SLC14A2: variants seen among roughly 807,000 people sequenced by gnomAD.
SLC14A2 encodes the protein urea transporter 2.
SLC14A2 carries 91 observed loss-of-function variants against 104.6 expected under a neutral mutation model. The observed-to-expected ratio is 0.87, with a 90% CI of 0.73 to 1.04. The LOEUF is 1.04. SLC14A2 is among the 50% of genes least tolerant of loss of function. SLC14A2 has a pLI of 0.00. For synonymous variants in SLC14A2, 476 were observed against 466.4 expected, an observed-to-expected ratio of 1.02 and a Z score of -0.27; for missense variants, 1,189 against 1,156.0, an observed-to-expected ratio of 1.03 and a Z score of -0.41.
chr18:45,626,839 C>G (rs2045264422), intron 3 of SLC14A2, 119 bp from the exon 4 acceptor site: 23 of 377,654 alleles, frequency 6.1e-5, no homozygotes, highest in East Asian at 1.3e-4. Context: ...CCTGGCCTGG[C>G]TGAATGGGAA....
chr18:45,635,679 G>C (rs955428562), intron 5 of SLC14A2, among the ~76,000 whole-genome samples: 1 of 152,204 alleles, frequency 6.6e-6, no homozygotes, highest in Non-Finnish European at 1.5e-5. Flanking sequence ...TGCCCGAAGG[G>C]GAGCAGAGAA....
chr18:45,572,229 A>AATAGAATTCAAGGGTTCAGAACT (rs2044358208), intron 2 of SLC14A2, among the ~76,000 whole-genome samples: 3 of 152,184 alleles, frequency 2.0e-5, no homozygotes, highest in African/African-American at 7.2e-5. Context: ...CAATTCCCAA[A>AATAGAATTCAAGGGTTCAGAACT]ATAGAATTCA....
chr18:45,253,556 C>A (rs992208039), intron 1 of SLC14A2, among the ~76,000 whole-genome samples: 5 of 151,846 alleles, frequency 3.3e-5, no homozygotes, highest in African/African-American at 1.2e-4. Flanking sequence ...AAGCACAGAG[C>A]CCAGGCACTT....
At position 45,672,968 on chromosome 18, in the gene SLC14A2, C is replaced by T. The variant is rs2144649784; in HGVS notation, c.2298C>T (p.Ile766=). 6.2e-7 allele frequency: 1 copy of T among 1,614,166 alleles called. No homozygotes were observed. Among genetic ancestry groups the T allele is most frequent in the South Asian group, 1.1e-5 (1 of 91,084 alleles). Residue 766 remains isoleucine (I), a synonymous_variant, in exon 17 of 20, where the codon ATC becomes ATT. Transcript: ENST00000255226. The part of the protein sequence containing the change: ...YGCDNPWTGG[I]FLIALFISSP... ...GTGATAACCCCTGGACTGGAGGCATCTTCCTCATAGCTCTGTTCATATCCT... is the reference window on the plus strand; with the variant it reads ...GTGATAACCCCTGGACTGGAGGCATTTTCCTCATAGCTCTGTTCATATCCT...
chr18:45,441,017 G>T (rs962612350), intron 1 of SLC14A2, among the ~76,000 whole-genome samples: 1 of 152,048 alleles, frequency 6.6e-6, no homozygotes, highest in Admixed American at 6.6e-5. Context: ...TCTATTTCTG[G>T]TCTCCTATTT....
intron 2 of SLC14A2, among the ~76,000 whole-genome samples, chr18:45,485,514 G>T (rs1598897583): frequency 1.3e-5 from 2 of 152,244 alleles, no homozygotes; most frequent in South Asian, 2.1e-4. Context: ...TAATGTAGAG[G>T]GTTCTTGGAA....
intron 2 of SLC14A2, among the ~76,000 whole-genome samples, chr18:45,577,782 T>C (rs916887983): frequency 1.3e-5 from 2 of 152,090 alleles, no homozygotes; most frequent in African/African-American, 4.8e-5. Context: ...ATCTCCCAAG[T>C]CAACTCCATG....
chr18:45,628,478 G>A (rs11659314), intron 4 of SLC14A2, among the ~76,000 whole-genome samples: 53,611 of 150,558 alleles, frequency 0.36, 10,014 homozygotes, highest in Middle Eastern at 0.46. Context: ...GAAAGAAATC[G>A]TTTTGGCCCA....
At chr18:45,587,447 C>T (rs1238181504) in intron 2 of SLC14A2, among the ~76,000 whole-genome samples, 1 of 152,038 alleles carries the variant, frequency 6.6e-6, no homozygotes, top group Non-Finnish European at 1.5e-5. Flanking sequence ...CTTATTTGGC[C>T]CTTCGATTAT....
At chr18:45,198,204 A>T in the SLC14A2 span, among the ~76,000 whole-genome samples, 11 of 152,176 alleles carry the variant, frequency 7.2e-5, no homozygotes, top group African/African-American at 2.4e-4. Context: ...GAAAAACATA[A>T]GGTATGCAAG....
chr18:45,435,552 A>G (rs752688525), intron 1 of SLC14A2, among the ~76,000 whole-genome samples: 5 of 152,170 alleles, frequency 3.3e-5, no homozygotes, highest in Non-Finnish European at 7.3e-5. Context: ...TACTAAGACA[A>G]TTTTGGCAAG....
At chr18:45,405,897 G>GAAA (rs11315024) in intron 1 of SLC14A2, among the ~76,000 whole-genome samples, 7 of 129,250 alleles carry the variant, frequency 5.4e-5, no homozygotes, top group Non-Finnish European at 4.9e-5. Context: ...ACTCCATCTC[G>GAAA]AAAAAAAAAA....
At chr18:45,417,114 A>G (rs1156577778) in intron 1 of SLC14A2, among the ~76,000 whole-genome samples, 1 of 152,230 alleles carries the variant, frequency 6.6e-6, no homozygotes, top group Non-Finnish European at 1.5e-5. Context: ...GGGTTTAAAA[A>G]ATATCAGGAT....
chr18:45,258,146 CT>C (rs1315272239), intron 1 of SLC14A2, among the ~76,000 whole-genome samples: 2 of 102,844 alleles, frequency 1.9e-5, no homozygotes, highest in African/African-American at 4.7e-5. Context: ...GCATAAATCA[CT>C]TTTCCAAGGT....
chr18:45,378,628 A>G (rs2085800599), intron 1 of SLC14A2, among the ~76,000 whole-genome samples: 2 of 152,166 alleles, frequency 1.3e-5, no homozygotes, highest in African/African-American at 4.8e-5. Flanking sequence ...ATTAGTTTGT[A>G]TTACCGTTCC....
chr18:45,662,297 G>A (rs561365395), intron 10 of SLC14A2, among the ~76,000 whole-genome samples: 47 of 152,048 alleles, frequency 3.1e-4, no homozygotes, highest in African/African-American at 7.5e-4. Context: ...GCAAGACTCC[G>A]TCTTAGAAAA....
intron 1 of SLC14A2, among the ~76,000 whole-genome samples, chr18:45,373,198 T>C (rs1461811856): frequency 6.6e-6 from 1 of 152,244 alleles, no homozygotes; most frequent in Non-Finnish European, 1.5e-5. Flanking sequence ...GAGTGATAGT[T>C]CCTTATAACT....
At chr18:45,456,072 G>T (rs964956641) in intron 1 of SLC14A2, among the ~76,000 whole-genome samples, 2 of 152,064 alleles carry the variant, frequency 1.3e-5, no homozygotes, top group African/African-American at 4.8e-5. Context: ...TACTCTGGGG[G>T]CTCACCTGTG....
intron 2 of SLC14A2, among the ~76,000 whole-genome samples, chr18:45,568,130 C>T (rs1030654309): frequency 2.6e-5 from 4 of 152,312 alleles, no homozygotes; most frequent in South Asian, 2.1e-4. Context: ...ATGGCAGCAT[C>T]GAGGTCCCAG....
Sources: allele counts gnomAD v4.1 joint callset (sites outside exome capture counted in the v4.1 genomes callset), GRCh38; gene constraint gnomAD v4.1.1; transcripts MANE v1.5; gene names NCBI Gene and HGNC (gene_info 2026-07-23, HGNC 2026-07-21).